Variants in HIVEP1 observed in about 807,000 individuals in gnomAD.
HIVEP1 encodes the protein HIVEP zinc finger 1, also known as zinc finger protein 40.
HIVEP1 carries 36 observed loss-of-function variants against 180.0 expected under a neutral mutation model. The ratio of observed to expected loss-of-function variants is 0.20; its 90% CI spans 0.15 to 0.26. HIVEP1 has a LOEUF of 0.26. Ranked by LOEUF, HIVEP1 falls within the 10% of genes least tolerant of loss-of-function variation. The pLI is 1.00. For synonymous variants in HIVEP1, 1,239 were observed against 1,239.0 expected (o/e 1.00, Z 0.00); for missense variants, 3,143 against 3,268.7 (o/e 0.96, Z 0.94).
intron 7 of HIVEP1, among the ~76,000 whole-genome samples, chr6:12,145,628 A>G (rs1759327965): frequency 6.6e-6 from 1 of 151,872 alleles, no homozygotes; most frequent in Non-Finnish European, 1.5e-5. Flanking sequence ...CTGAATATAA[A>G]TATATGTAAT....
chr6:12,120,142 C>A lies in HIVEP1; in HGVS notation c.347C>A (p.Pro116His), dbSNP rs1368934964. 6.2e-7 allele frequency: 1 copy of A among 1,613,998 alleles called. No homozygotes were observed. The highest frequency in any genetic ancestry group is 8.5e-7 in the Non-Finnish European group (1 of 1,179,972). The change falls in exon 4 of 9, where the codon CCT becomes CAT. Residue 116 changes from proline (P) to histidine (H), a missense_variant. This residue lies in a region of HIVEP1 where 114 missense variants were observed against 134.5 expected (regional missense o/e 0.85). Transcript: ENST00000379388. Reference sequence around the variant, plus strand: ...TTTACCAAACAAAATGGAGAAACACCTGGAATAATTGCTGAAGCCTCAAAA... The same window carrying A: ...TTTACCAAACAAAATGGAGAAACACATGGAATAATTGCTGAAGCCTCAAAA... ...KQFTKQNGET[P>H]GIIAEASKSE... is the part of the protein sequence containing the mutation.
intron 2 of HIVEP1, among the ~76,000 whole-genome samples, chr6:12,088,805 TGTTTCTAAGCTA>T (rs1463072375): frequency 6.6e-6 from 1 of 152,162 alleles, no homozygotes; most frequent in Non-Finnish European, 1.5e-5. Flanking sequence ...TTAATCTGGT[TGTTTCTAAGCTA>T]GTAAGCATTT....
chr6:12,122,802 C>T lies in HIVEP1; in HGVS notation c.3007C>T (p.Pro1003Ser). 4 of 1,613,580 alleles carry T rather than the reference C, an allele frequency of 2.5e-6. No individual in the cohort carries two copies. The highest frequency in any genetic ancestry group is 3.4e-6 in the Non-Finnish European group (4 of 1,179,860). Reference protein sequence around the residue: ...AMREPEHSPVPGGLQPQILHY... With the variant: ...AMREPEHSPVSGGLQPQILHY... ...GAGAGAACCTGAGCACAGCCCTGTG[C>T]CCGGCGGTCTGCAGCCTCAGATTCT... The change falls in exon 4 of 9, where the codon CCC becomes TCC. Residue 1003 changes from proline (P) to serine (S), a missense_variant. Pro to Ser is a moderately conservative substitution (Grantham distance 74). Transcript: ENST00000379388.
downstream of HIVEP1, among the ~76,000 whole-genome samples, chr6:12,167,696 CATATATACATATATGCATAATAT>C (rs1760759875): frequency 6.9e-5 from 2 of 28,828 alleles, no homozygotes; most frequent in Non-Finnish European, 6.9e-5. Context: ...AATATATATA[CATATATACATATATGCATAATAT>C]ATATACATAT....
At chr6:12,135,005 A>G (rs758291953) in intron 6 of HIVEP1, among the ~76,000 whole-genome samples, 5 of 152,232 alleles carry the variant, frequency 3.3e-5, no homozygotes, top group Admixed American at 6.5e-5. Flanking sequence ...ACCAGAAAAA[A>G]GAAGCTCAAA....
chr6:12,120,253 C>A lies in HIVEP1; in HGVS notation c.458C>A (p.Pro153His). 1 of 1,614,170 alleles carries A rather than the reference C, an allele frequency of 6.2e-7. No individual in the cohort carries two copies. Reference sequence around the variant, plus strand: ...AGATGGAGATCCGAAGGCGCTGATCCTGCCAAATTCAGTGACCTCGATGAA... The same window carrying A: ...AGATGGAGATCCGAAGGCGCTGATCATGCCAAATTCAGTGACCTCGATGAA... ...LRRWRSEGAD[P>H]AKFSDLDEQC... Residue 153 changes from proline (P) to histidine (H), a missense_variant, in exon 4 of 9, where the codon CCT becomes CAT. By Grantham distance (77) the Pro-to-His change is moderately conservative (BLOSUM62 -2). Around this residue, in one of 12 missense-constraint regions of HIVEP1, gnomAD observed 306 missense variants for 310.6 expected, o/e 0.99. Coordinates refer to ENST00000379388, the MANE Select transcript of HIVEP1 (RefSeq NM_002114.4).
chr6:12,125,889 A>T lies in HIVEP1; in HGVS notation c.6075+19A>T. On this transcript the variant is annotated intron_variant, in intron 4 of 8. Coordinates refer to ENST00000379388, the MANE Select transcript of HIVEP1 (RefSeq NM_002114.4). ...AAGCAAGGTACTTGAAATATAATTT[A>T]TCTTCAGATATGGTTTGCGCAAATT... 1 of 1,468,174 alleles carries T rather than the reference A, an allele frequency of 6.8e-7. No individual in the cohort carries two copies. Among genetic ancestry groups the T allele is most frequent in the African/African-American group, 1.4e-5 (1 of 71,374 alleles). The allele number at this position is 1,468,174 out of a possible 1,614,324, so 90.9% of individuals were successfully genotyped here.
intron 2 of HIVEP1, among the ~76,000 whole-genome samples, chr6:12,016,853 G>A (rs961186696): frequency 5.9e-5 from 9 of 152,200 alleles, no homozygotes; most frequent in African/African-American, 2.2e-4. Context: ...ATTTGTTACT[G>A]TAGGAAAAGC....
Position 12,063,213 on chromosome 6 carries a change from A to G in HIVEP1, c.41-25971A>G, listed in dbSNP as rs937491242. Among the ~76,000 whole-genome samples, 2 of 152,202 alleles carry G rather than the reference A, an allele frequency of 1.3e-5. No individual in the cohort carries two copies. Among genetic ancestry groups the G allele is most frequent in the African/African-American group, 2.4e-5 (1 of 41,448 alleles). The stretch of plus-strand genomic sequence containing the variant: ...TAAAATATTTATTGATTTCTAGCAG[A>G]GTTTTTCAACCTCAGCTCCATTTAT... On this transcript the variant is annotated intron_variant, in intron 2 of 8. Coordinates refer to ENST00000379388, the MANE Select transcript of HIVEP1 (RefSeq NM_002114.4). This position sits in a 1 kb window ranked among gnomAD's most constrained non-coding sequence, Gnocchi z 4.2.
intron 2 of HIVEP1, among the ~76,000 whole-genome samples, chr6:12,034,516 A>C (rs889055959): frequency 1.3e-5 from 2 of 152,232 alleles, no homozygotes; most frequent in East Asian, 3.8e-4. Flanking sequence ...CTGACGCTGC[A>C]GTTCAATAGG....
intron 2 of HIVEP1, among the ~76,000 whole-genome samples, chr6:12,033,558 A>G (rs1769093547): frequency 6.6e-6 from 1 of 152,188 alleles, no homozygotes; most frequent in South Asian, 2.1e-4. Context: ...GTTAATATGG[A>G]AGAAGTGGTA....
intron 2 of HIVEP1, among the ~76,000 whole-genome samples, chr6:12,065,879 TCAGATGTAGATGTGAAGTCCTCAGAA>T (rs1331978229): frequency 6.6e-6 from 1 of 152,130 alleles, no homozygotes; most frequent in African/African-American, 2.4e-5. Context: ...TTTGACTGGT[TCAGATGTAGATGTGAAGTCCTCAGAA>T]CAGCACTCAG....
upstream of HIVEP1, among the ~76,000 whole-genome samples, chr6:12,010,973 A>G (rs1374772898): frequency 3.3e-5 from 5 of 151,858 alleles, no homozygotes; most frequent in South Asian, 8.3e-4. Context: ...GGTTGGCCCT[A>G]TAAGCTGTCA....
chr6:12,049,601 A>C (rs1770369445), intron 2 of HIVEP1, among the ~76,000 whole-genome samples: 2 of 152,232 alleles, frequency 1.3e-5, no homozygotes, highest in South Asian at 2.1e-4. Flanking sequence ...AATCAACACA[A>C]ATAATCAAAG....
intron 2 of HIVEP1, among the ~76,000 whole-genome samples, chr6:12,039,598 G>T (rs1198697286): frequency 6.6e-6 from 1 of 152,170 alleles, no homozygotes; most frequent in African/African-American, 2.4e-5. Flanking sequence ...CATAGCGTTG[G>T]TTTGTGTGTA....
At chr6:12,081,816 C>G (rs115192646) in intron 2 of HIVEP1, among the ~76,000 whole-genome samples, 4,463 of 152,178 alleles carry the variant, frequency 0.029, 214 homozygotes, top group African/African-American at 0.1. Context: ...TAAGACAGTT[C>G]CACTTTGCTT....
intron 2 of HIVEP1, among the ~76,000 whole-genome samples, chr6:12,043,802 G>A (rs1435474399): frequency 2.6e-5 from 4 of 152,192 alleles, no homozygotes; most frequent in Admixed American, 6.5e-5. Flanking sequence ...TGTGTTGTTC[G>A]TGGCACTTCT....
At chr6:12,189,336 T>C in the HIVEP1 span, among the ~76,000 whole-genome samples, 2 of 151,894 alleles carry the variant, frequency 1.3e-5, no homozygotes, top group East Asian at 1.9e-4. Flanking sequence ...ACTAATAAAT[T>C]TGATGACATA....
At chr6:12,168,347 GTATA>G (rs1265970305), downstream of HIVEP1, among the ~76,000 whole-genome samples, 3 of 49,240 alleles carry the variant, frequency 6.1e-5, no homozygotes. Context: ...ATATATACAT[GTATA>G]TGTATATATT....
Sources: gnomAD v4.1 joint callset for allele counts (sites outside exome capture counted in the v4.1 genomes callset) on GRCh38, gnomAD v4.1.1 for gene constraint, gnomAD v4.1.1 regional missense constraint, Gnocchi (gnomAD v3.1) non-coding constraint, MANE v1.5 for transcripts, NCBI Gene and HGNC (gene_info 2026-07-23, HGNC 2026-07-21) for gene names.